The following MED11 variants were observed in gnomAD, a reference collection of about 807,000 sequenced individuals.
The protein encoded by MED11 is mediator of RNA polymerase II transcription subunit 11.
A neutral mutation model predicts 13.9 loss-of-function variants in MED11; 19 were observed. The observed-to-expected ratio is 1.36, with a 90% CI of 0.95 to 2.00. MED11 has a LOEUF of 2.00. Ranked by LOEUF, MED11 falls within the 30% of genes most tolerant of loss-of-function variation. The probability of loss-of-function intolerance (pLI) is 0.00; values close to 1 mark genes in which losing one functional copy is unlikely to be tolerated. For synonymous variants in MED11, 67 were observed against 62.1 expected, an observed-to-expected ratio of 1.08 and a Z score of -0.37; for missense variants, 134 against 150.2, an observed-to-expected ratio of 0.89 and a Z score of 0.56.
rs764388344 is a variant in MED11, at chr17:4,731,592, C to G, written c.85+18C>G. 7 of 1,613,908 alleles carry G rather than the reference C, an allele frequency of 4.3e-6. No individual in the cohort carries two copies. The highest frequency in any genetic ancestry group is 5.9e-6 in the Non-Finnish European group (7 of 1,179,894). ...GAATGCAGGTTCGGGATGCGACAACCTGGACAGCGGGGAGCGAAAGCGTGA... is the reference window on the plus strand; with the variant it reads ...GAATGCAGGTTCGGGATGCGACAACGTGGACAGCGGGGAGCGAAAGCGTGA... On this transcript the variant is annotated intron_variant, in intron 1 of 2. Coordinates refer to ENST00000293777, the MANE Select transcript of MED11 (RefSeq NM_001001683.4).
In MED11 at chr17:4,731,879, G is replaced by C. The variant is rs925563198; in HGVS notation, c.189G>C (p.Leu63=). The C allele has an allele frequency of 6.2e-7, 1 of 1,613,982 alleles. No individual in the cohort carries two copies. The highest frequency in any genetic ancestry group is 8.5e-7 in the Non-Finnish European group (1 of 1,180,032). Residue 63 remains leucine (L), a synonymous_variant, in exon 2 of 3, where the codon CTG becomes CTC. Transcript: ENST00000293777. ...TASVQHVEAE[L]SAQIRYLTQV... The stretch of plus-strand genomic sequence containing the variant: ...CAGTGCAACACGTGGAGGCGGAGCT[G>C]TCAGCTCAGATCCGCTACCTCACCC...
chr17:4,732,100 C>A, intron 2 of MED11, 194 bp downstream of exon 2: 1 of 591,954 alleles, frequency 1.7e-6, no homozygotes, highest in Non-Finnish European at 2.8e-6. Flanking sequence ...CCAGCCTGGC[C>A]AACACGGTGA....
In MED11 at chr17:4,731,455, A is replaced by C. The variant is rs1327474083; in HGVS notation, c.-35A>C. On this transcript the variant is annotated 5_prime_UTR_variant, in exon 1 of 3. Coordinates refer to ENST00000293777, the MANE Select transcript of MED11 (RefSeq NM_001001683.4). ...TTCCGGAACAAGCGTCGCGTTTCTGAGGAGAAACTCTTGGTGAGAATTCCC... is the reference window on the plus strand; with the variant it reads ...TTCCGGAACAAGCGTCGCGTTTCTGCGGAGAAACTCTTGGTGAGAATTCCC... 1.2e-6 allele frequency: 2 copies of C among 1,604,638 alleles called. No individual in the cohort carries two copies. Among genetic ancestry groups the C allele is most frequent in the African/African-American group, 2.7e-5 (2 of 74,702 alleles).
At position 4,733,213 on chromosome 17, in the gene MED11, G is replaced by A; in HGVS notation, c.*26G>A. On this transcript the variant is annotated 3_prime_UTR_variant, in exon 3 of 3. Transcript: ENST00000293777. ...GCCAGGGAGATGGACCCAGAGCTGA[G>A]AGGGAGACCATCACCTGTGCCATGG... The A allele has an allele frequency of 6.2e-7, 1 of 1,613,600 alleles. No individual in the cohort carries two copies. The highest frequency in any genetic ancestry group is 1.1e-5 in the South Asian group (1 of 90,992).
Position 4,733,200 on chromosome 17 carries a change from GA to G in MED11, c.*14del, listed in dbSNP as rs1239888783. The G allele has an allele frequency of 1.2e-6, 2 of 1,613,908 alleles. No individual in the cohort carries two copies. The highest frequency in any genetic ancestry group is 2.7e-5 in the African/African-American group (2 of 74,928). ...GCTGGAGAACTAGGCCAGGGAGATGGACCCAGAGCTGAGAGGGAGACCATCA... is the reference window on the plus strand; with the variant it reads ...GCTGGAGAACTAGGCCAGGGAGATGGCCCAGAGCTGAGAGGGAGACCATCA... On this transcript the variant is annotated 3_prime_UTR_variant, in exon 3 of 3. Transcript: ENST00000293777.
chr17:4,732,175 G>C (rs921699471), intron 2 of MED11: 1 of 429,510 alleles, frequency 2.3e-6, no homozygotes, highest in Non-Finnish European at 4.1e-6. Flanking sequence ...TGTAATCCCA[G>C]CACTTTGGGA....
In MED11 at chr17:4,731,773, C is replaced by CA. The variant is rs765755051; in HGVS notation, c.86-2dup. ...TGTCCCCGCCCTCTCTCCGCCCTGG[C>CA]AGGTACTGTGATCCTAGAATTGTCC... On this transcript the variant is annotated splice_region_variant and splice_polypyrimidine_tract_variant and intron_variant, in intron 1 of 2. Transcript: ENST00000293777. 6.2e-7 allele frequency: 1 copy of CA among 1,613,600 alleles called. No homozygotes were observed. The highest frequency in any genetic ancestry group is 8.5e-7 in the Non-Finnish European group (1 of 1,179,728).
At chr17:4,731,732 A>G in intron 1 of MED11, 44 bp from the exon 2 acceptor site, 1 of 1,609,084 alleles carries the variant, frequency 6.2e-7, no homozygotes. Context: ...GAGAGGCTAC[A>G]CTGGCAGTCT....
At position 4,731,479 on chromosome 17, in the gene MED11, C is replaced by G; in HGVS notation, c.-11C>G. The G allele has an allele frequency of 6.2e-7, 1 of 1,613,834 alleles. No individual in the cohort carries two copies. Among genetic ancestry groups the G allele is most frequent in the Non-Finnish European group, 8.5e-7 (1 of 1,179,856 alleles). On this transcript the variant is annotated 5_prime_UTR_variant, in exon 1 of 3. Coordinates refer to ENST00000293777, the MANE Select transcript of MED11 (RefSeq NM_001001683.4). ...GAGGAGAAACTCTTGGTGAGAATTCCCAGAGTGATAATGGCTACCTACAGC... is the reference window on the plus strand; with the variant it reads ...GAGGAGAAACTCTTGGTGAGAATTCGCAGAGTGATAATGGCTACCTACAGC...
rs775440607 is a variant in MED11 at position 4,733,091 on chromosome 17, G to C, written c.258G>C (p.Ser86=). The change falls in exon 3 of 3, where the codon TCG becomes TCC. Residue 86 remains serine, a synonymous_variant. Transcript: ENST00000293777. ...CCCATGAGGGCTCCAGCTACTCTTCGAGGAAGGACTGTCAGATGGCTCTGA... is the reference window on the plus strand; with the variant it reads ...CCCATGAGGGCTCCAGCTACTCTTCCAGGAAGGACTGTCAGATGGCTCTGA... ...GQPHEGSSYS[S]RKDCQMALKR... The C allele has an allele frequency of 1.2e-6, 2 of 1,614,114 alleles. No individual in the cohort carries two copies.
Position 4,731,771 on chromosome 17 carries a change from G to A in MED11, c.86-5G>A, listed in dbSNP as rs921127489. 2.9e-5 allele frequency: 47 copies of A among 1,613,630 alleles called. No individual in the cohort carries two copies. Among genetic ancestry groups the A allele is most frequent in the Non-Finnish European group, 3.7e-5 (44 of 1,179,732 alleles). ...TGTGTCCCCGCCCTCTCTCCGCCCT[G>A]GCAGGTACTGTGATCCTAGAATTGT... On this transcript the variant is annotated splice_polypyrimidine_tract_variant and splice_region_variant and intron_variant, in intron 1 of 2. Transcript: ENST00000293777.
chr17:4,732,965 C>G (rs776703657), intron 2 of MED11, 85 bp from the exon 3 acceptor site: 2 of 1,496,928 alleles, frequency 1.3e-6, no homozygotes, highest in Non-Finnish European at 1.8e-6. Context: ...CAAATTCAAA[C>G]TCAGGGAAGA....
At chr17:4,731,963 G>T (rs1915993846) in intron 2 of MED11, 57 bp downstream of exon 2, 1 of 1,583,070 alleles carries the variant, frequency 6.3e-7, no homozygotes, top group Non-Finnish European at 8.6e-7. Context: ...AAAGCCTCAG[G>T]CTTGGGTGAT....
Position 4,733,342 on chromosome 17 carries a change from GA to G in MED11, c.*157del, listed in dbSNP as rs144260210. ...GGCAAATGGTGGGCATGGAAAAACT[GA>G]AGCCCGAGCCTGCCCACAGCTATGC... is the stretch of plus-strand genomic sequence containing the variant. On this transcript the variant is annotated 3_prime_UTR_variant, in exon 3 of 3. Coordinates refer to ENST00000293777, the MANE Select transcript of MED11 (RefSeq NM_001001683.4). 2,824 of 971,364 alleles carry G rather than the reference GA, an allele frequency of 2.9e-3. 43 individuals carry two copies. In the African/African-American group the frequency reaches 0.034, roughly 12 times the overall value. The allele number at this position is 971,364 out of a possible 1,614,324, so 60.2% of individuals were successfully genotyped here.
At position 4,731,813 on chromosome 17, in the gene MED11, C is replaced by G; in HGVS notation, c.123C>G (p.Asn41Lys). Residue 41 changes from asparagine to lysine, a missense_variant, in exon 2 of 3, where the codon AAC (asparagine) becomes AAG (lysine). Transcript: ENST00000293777. ...TAGAATTGTCCAAGGAAAAAACTAA[C>G]GAGCGGCTCCTAGACCGGCAGGCGG... ...VILELSKEKT[N>K]ERLLDRQAAA... 4 of 1,614,194 alleles carry G rather than the reference C, an allele frequency of 2.5e-6. No homozygotes were observed. The highest frequency in any genetic ancestry group is 3.4e-6 in the Non-Finnish European group (4 of 1,180,046).
In MED11 at chr17:4,733,297, A is replaced by C; in HGVS notation, c.*110A>C. ...TGAGCACCAACATACCCTGCTGGTC[A>C]AAGTACCCTAGGACAAAGGGGCAAA... On this transcript the variant is annotated 3_prime_UTR_variant, in exon 3 of 3. Coordinates refer to ENST00000293777, the MANE Select transcript of MED11 (RefSeq NM_001001683.4). The C allele has an allele frequency of 7.3e-7, 1 of 1,368,482 alleles. No individual in the cohort carries two copies. Among genetic ancestry groups the C allele is most frequent in the African/African-American group, 1.4e-5 (1 of 69,512 alleles). 84.8% of individuals were successfully genotyped at this position (1,368,482 alleles called of 1,614,324 possible). A position where few individuals can be genotyped will look rare whatever the true frequency, so the allele number is the denominator to read the frequency against.
In MED11 at chr17:4,731,847, A is replaced by T; in HGVS notation, c.157A>T (p.Thr53Ser). The change falls in exon 2 of 3, where the codon ACC becomes TCC. Residue 53 changes from threonine (T) to serine (S), a missense_variant. By Grantham distance (58) the Thr-to-Ser change is moderately conservative. Transcript: ENST00000293777. ...CCTAGACCGGCAGGCGGCGGCCTTC[A>T]CCGCTTCAGTGCAACACGTGGAGGC... ...RLLDRQAAAF[T>S]ASVQHVEAEL... 6.2e-7 allele frequency: 1 copy of T among 1,613,962 alleles called. No individual in the cohort carries two copies. The highest frequency in any genetic ancestry group is 8.5e-7 in the Non-Finnish European group (1 of 1,180,016).
At position 4,733,377 on chromosome 17, in the gene MED11, C is replaced by A; in HGVS notation, c.*190C>A. On this transcript the variant is annotated 3_prime_UTR_variant, in exon 3 of 3. Coordinates refer to ENST00000293777, the MANE Select transcript of MED11 (RefSeq NM_001001683.4). Reference sequence around the variant, plus strand: ...CCTGCCCACAGCTATGCTTTGGCCTCTCCAGCAGGGTGCTCCTGCTCTGCA... The same window carrying A: ...CCTGCCCACAGCTATGCTTTGGCCTATCCAGCAGGGTGCTCCTGCTCTGCA... 1 of 637,692 alleles carries A rather than the reference C, an allele frequency of 1.6e-6. No homozygotes were observed. The highest frequency in any genetic ancestry group is 2.6e-6 in the Non-Finnish European group (1 of 382,158). 39.5% of individuals were successfully genotyped at this position (637,692 alleles called of 1,614,324 possible).
Position 4,733,355 on chromosome 17 carries a change from G to A in MED11, c.*168G>A. The stretch of plus-strand genomic sequence containing the variant: ...CATGGAAAAACTGAAGCCCGAGCCT[G>A]CCCACAGCTATGCTTTGGCCTCTCC... On this transcript the variant is annotated 3_prime_UTR_variant, in exon 3 of 3. Coordinates refer to ENST00000293777, the MANE Select transcript of MED11 (RefSeq NM_001001683.4). 3.6e-6 allele frequency: 3 copies of A among 823,020 alleles called. No homozygotes were observed. The highest frequency in any genetic ancestry group is 5.6e-6 in the Non-Finnish European group (3 of 537,358). The allele number at this position is 823,020 out of a possible 1,614,324, so 51.0% of individuals were successfully genotyped here.
Sources: allele counts gnomAD v4.1 joint callset, GRCh38; gene constraint gnomAD v4.1.1; transcripts MANE v1.5; gene names NCBI Gene and HGNC (gene_info 2026-07-23, HGNC 2026-07-21).